Variants in BCL7A observed in about 807,000 individuals in gnomAD.
BCL7A encodes the protein BAF chromatin remodeling complex subunit BCL7A, also known as B-cell CLL/lymphoma 7 protein family member A.
In BCL7A, 11 loss-of-function variants were observed where a neutral mutation model predicts 28.4. That is an observed-to-expected ratio of 0.39 (90% CI 0.24 to 0.64). The LOEUF is 0.64. Ranked by LOEUF, BCL7A falls within the 30% of genes least tolerant of loss-of-function variation. BCL7A has a pLI of 0.50. For synonymous variants in BCL7A, 123 were observed against 103.3 expected, an observed-to-expected ratio of 1.19 and a Z score of -1.15; for missense variants, 222 against 274.8, an observed-to-expected ratio of 0.81 and a Z score of 1.36.
rs1884011490 is a variant in BCL7A, at chr12:122,043,902, G to A, written c.288G>A (p.Gln96=). ...CCCCTACAGACGATAACAGCAACCA[G>A]AGCTCCATCGCAGATGCCTCCCCCA... The part of the protein sequence containing the change: ...MMDMHDDNSN[Q]SSIADASPIK... Residue 96 remains glutamine (Q), a synonymous_variant, in exon 4 of 6, where the codon CAG becomes CAA. Transcript: ENST00000261822. 3 of 1,613,568 alleles carry A rather than the reference G, an allele frequency of 1.9e-6. No individual in the cohort carries two copies. Among genetic ancestry groups the A allele is most frequent in the Non-Finnish European group, 2.5e-6 (3 of 1,179,940 alleles).
rs1016653281 is a variant in BCL7A at position 122,029,638 on chromosome 12, A to T, written c.93-1062A>T. ...GGCCCCTTAAATCCGCCAGCCTCCT[A>T]GCTGAGCCATCAGTGGCTCCTTGGT... On this transcript the variant is annotated intron_variant, in intron 1 of 5. Coordinates refer to ENST00000261822, the MANE Select transcript of BCL7A (RefSeq NM_001024808.3). The surrounding 1 kb of genome is among the most constrained non-coding windows in gnomAD (Gnocchi z 4.3). Among the ~76,000 whole-genome samples, 1 of 152,076 alleles carries T rather than the reference A, an allele frequency of 6.6e-6. No homozygotes were observed. The highest frequency in any genetic ancestry group is 2.4e-5 in the African/African-American group (1 of 41,388).
At chr12:122,044,332 G>T in intron 4 of BCL7A, 1 of 325,376 alleles carries the variant, frequency 3.1e-6, no homozygotes, top group Non-Finnish European at 5.6e-6. Context: ...AACATAGCAA[G>T]ACCTCATCTC....
At chr12:122,036,889 A>G (rs768711002) in intron 3 of BCL7A, among the ~76,000 whole-genome samples, 4 of 152,070 alleles carry the variant, frequency 2.6e-5, no homozygotes, top group Non-Finnish European at 5.9e-5. Flanking sequence ...TTTGTATTTT[A>G]GTAGATACGA....
At chr12:122,032,765 G>T (rs930270482) in intron 2 of BCL7A, among the ~76,000 whole-genome samples, 11 of 152,164 alleles carry the variant, frequency 7.2e-5, no homozygotes, top group Non-Finnish European at 5.9e-5. Flanking sequence ...AGAATACTTA[G>T]CACTGTGCCG....
chr12:122,022,012 C>A lies in BCL7A; in HGVS notation c.-80C>A. The A allele has an allele frequency of 1.6e-6, 2 of 1,238,288 alleles. No homozygotes were observed. Among genetic ancestry groups the A allele is most frequent in the Non-Finnish European group, 2.2e-6 (2 of 894,196 alleles). 76.7% of individuals were successfully genotyped at this position (1,238,288 alleles called of 1,614,324 possible). On this transcript the variant is annotated 5_prime_UTR_variant, in exon 1 of 6. Transcript: ENST00000261822. ...TGTGCGCGAGTGAGTGAGCGGCGGGCGGGCGCGAGTGTGGCCGCCGCGGAG... is the reference window on the plus strand; with the variant it reads ...TGTGCGCGAGTGAGTGAGCGGCGGGAGGGCGCGAGTGTGGCCGCCGCGGAG...
chr12:122,040,473 A>G (rs1593029164), intron 3 of BCL7A, among the ~76,000 whole-genome samples: 1 of 150,014 alleles, frequency 6.7e-6, no homozygotes, highest in South Asian at 2.1e-4. Flanking sequence ...GGGAGGTTGC[A>G]GTGAGCCAAG....
At chr12:122,034,797 T>G (rs1883817133) in intron 2 of BCL7A, among the ~76,000 whole-genome samples, 2 of 151,764 alleles carry the variant, frequency 1.3e-5, no homozygotes, top group African/African-American at 4.8e-5. Context: ...TCCTCCCTCC[T>G]TTCTCCCGGG....
intron 3 of BCL7A, among the ~76,000 whole-genome samples, chr12:122,038,891 G>C (rs1883910046): frequency 6.6e-6 from 1 of 152,042 alleles, no homozygotes; most frequent in Non-Finnish European, 1.5e-5. Flanking sequence ...ACCTTGGCAT[G>C]GGACCAAGCA....
chr12:122,022,802 C>G (rs557168767), intron 1 of BCL7A, among the ~76,000 whole-genome samples: 1 of 151,684 alleles, frequency 6.6e-6, no homozygotes, highest in Admixed American at 6.6e-5. Context: ...CTGCCTGGAG[C>G]GAGGGCTCTC....
intron 4 of BCL7A, among the ~76,000 whole-genome samples, chr12:122,046,643 A>G (rs1355581871): frequency 6.6e-6 from 1 of 152,214 alleles, no homozygotes; most frequent in Non-Finnish European, 1.5e-5. Flanking sequence ...AGAACCCTGC[A>G]GTATCATTTT....
rs2135865333 is a variant in BCL7A at position 122,060,549 on chromosome 12, A to G, written c.*1386A>G. The G allele has an allele frequency of 4.3e-6, 1 of 233,042 alleles. No homozygotes were observed. Among genetic ancestry groups the G allele is most frequent in the African/African-American group, 2.2e-5 (1 of 45,398 alleles). 14.4% of individuals were successfully genotyped at this position (233,042 alleles called of 1,614,324 possible). On this transcript the variant is annotated 3_prime_UTR_variant, in exon 6 of 6. Transcript: ENST00000261822. ...GGTTCTGAGGCCTGGTTTGCTCTTA[A>G]TTAATATATGAACTCCTCAGACCTT... is the stretch of plus-strand genomic sequence containing the variant.
intron 1 of BCL7A, among the ~76,000 whole-genome samples, chr12:122,023,801 G>A (rs559609202): frequency 6.6e-6 from 1 of 152,314 alleles, no homozygotes; most frequent in Middle Eastern, 3.4e-3. Flanking sequence ...TCTACTGTGG[G>A]ATTCCCCGCG....
chr12:122,038,684 G>T (rs1307401086), intron 3 of BCL7A, among the ~76,000 whole-genome samples: 1 of 152,040 alleles, frequency 6.6e-6, no homozygotes. Context: ...ACACCAGAGG[G>T]CCTTTTCGAG....
chr12:122,027,019 G>A (rs1455368008), intron 1 of BCL7A, among the ~76,000 whole-genome samples: 1 of 152,232 alleles, frequency 6.6e-6, no homozygotes, highest in Non-Finnish European at 1.5e-5. Context: ...AGGTGTTGAA[G>A]TCAGGGTAAG....
In BCL7A at chr12:122,022,086, G is replaced by A. The variant is rs746163345; in HGVS notation, c.-6G>A. The A allele has an allele frequency of 1.9e-6, 3 of 1,561,638 alleles. No homozygotes were observed. The highest frequency in any genetic ancestry group is 2.4e-5 in the East Asian group (1 of 41,938). ...GCTCCCCAGCCTCCGTCTCCCCGCCGGAACCATGTCGGGCAGGTCGGTTCG... is the reference window on the plus strand; with the variant it reads ...GCTCCCCAGCCTCCGTCTCCCCGCCAGAACCATGTCGGGCAGGTCGGTTCG... On this transcript the variant is annotated 5_prime_UTR_variant, in exon 1 of 6. Coordinates refer to ENST00000261822, the MANE Select transcript of BCL7A (RefSeq NM_001024808.3).
chr12:122,044,145 G>A (rs886860948), intron 4 of BCL7A, 92 bp downstream of exon 4: 29 of 1,419,994 alleles, frequency 2.0e-5, no homozygotes, highest in Admixed American at 2.4e-5. Context: ...GCCCTGTCAT[G>A]TGCCAGCCCC....
intron 3 of BCL7A, among the ~76,000 whole-genome samples, chr12:122,036,155 C>T (rs1031305069): frequency 6.6e-6 from 1 of 152,142 alleles, no homozygotes; most frequent in African/African-American, 2.4e-5. Flanking sequence ...AACTGGATTT[C>T]TGATTTCATG....
intron 5 of BCL7A, among the ~76,000 whole-genome samples, chr12:122,055,455 C>A (rs1258907157): frequency 2.6e-5 from 4 of 152,114 alleles, no homozygotes; most frequent in Non-Finnish European, 5.9e-5. Flanking sequence ...AGAGTCGGGC[C>A]CAAGTTTGAA....
chr12:122,033,209 C>T (rs908808517), intron 2 of BCL7A, among the ~76,000 whole-genome samples: 1 of 151,436 alleles, frequency 6.6e-6, no homozygotes, highest in Non-Finnish European at 1.5e-5. Context: ...GATCATAGCT[C>T]ACTGCAGCCT....
Sources: allele counts gnomAD v4.1 joint callset (sites outside exome capture counted in the v4.1 genomes callset), GRCh38; gene constraint gnomAD v4.1.1; non-coding constraint Gnocchi (gnomAD v3.1); transcripts MANE v1.5; gene names NCBI Gene and HGNC (gene_info 2026-07-23, HGNC 2026-07-21).